ESR1: variants seen among roughly 807,000 people sequenced by gnomAD.
ESR1 encodes estrogen receptor 1.
Under a neutral mutation model 52.7 loss-of-function variants are expected in ESR1, and 12 were observed. The ratio of observed to expected loss-of-function variants is 0.23; its 90% CI spans 0.15 to 0.37. ESR1 has a LOEUF of 0.37. Among genes scored for constraint, ESR1 ranks in the 10% least tolerant of loss-of-function variants. ESR1 has a pLI of 1.00. For missense variants in ESR1, 584 were observed against 779.7 expected (o/e 0.75, Z 2.99); for synonymous variants, 305 against 316.8 (o/e 0.96, Z 0.39).
intron 6 of ESR1, among the ~76,000 whole-genome samples, chr6:152,121,333 T>C (rs1181978186): frequency 2.0e-5 from 3 of 152,188 alleles, no homozygotes; most frequent in Non-Finnish European, 2.9e-5. Context: ...TTTAAGAAGA[T>C]TTCTGTGGCT....
chr6:151,733,948 A>G (rs181178747), intron 2 of ESR1, among the ~76,000 whole-genome samples: 1 of 152,028 alleles, frequency 6.6e-6, no homozygotes, highest in African/African-American at 2.4e-5. Context: ...TTCCTTTACA[A>G]ATTTGGTTGA....
At chr6:151,867,437 A>ACACACACT (rs1039117508) in intron 2 of ESR1, among the ~76,000 whole-genome samples, 6 of 152,020 alleles carry the variant, frequency 3.9e-5, no homozygotes, top group African/African-American at 1.4e-4. Flanking sequence ...ACACACACAC[A>ACACACACT]CACACAAACA....
intron 1 of ESR1, among the ~76,000 whole-genome samples, chr6:151,691,207 C>G (rs1275937054): frequency 6.6e-6 from 1 of 152,188 alleles, no homozygotes; most frequent in East Asian, 1.9e-4. Context: ...AAAGAACGAG[C>G]CCCTCTGTCT....
At chr6:151,758,088 T>C (rs1263053875) in intron 2 of ESR1, among the ~76,000 whole-genome samples, 1 of 152,238 alleles carries the variant, frequency 6.6e-6, no homozygotes, top group Non-Finnish European at 1.5e-5. Context: ...ATATGAATTC[T>C]TTGTAGTTTC....
At chr6:151,804,777 T>G (rs1033298692), upstream of ESR1, 1 of 152,242 alleles carries the variant, frequency 6.6e-6, no homozygotes, top group African/African-American at 2.4e-5. Context: ...AGGTGGTGAC[T>G]AATGTCTGGC....
rs181894490 is a variant in ESR1 at position 151,721,194 on chromosome 6, G to A, written c.-71+19189G>A. Among the ~76,000 whole-genome samples the A allele has an allele frequency of 2.0e-3, 301 of 152,292 alleles. 1 individual carries two copies. The highest frequency in any genetic ancestry group is 6.9e-3 in the African/African-American group (285 of 41,568). ...AAGGATTCATAGATGTTTATCTGAA[G>A]GACTAATGCAACATGTTGGAGGTGA... On this transcript the variant is annotated intron_variant, in intron 2 of 2. Transcript: ENST00000404742.
At chr6:151,673,819 T>C (rs1778160827) in intron 1 of ESR1, among the ~76,000 whole-genome samples, 1 of 152,040 alleles carries the variant, frequency 6.6e-6, no homozygotes, top group Admixed American at 6.5e-5. Flanking sequence ...GAAATTGAGG[T>C]TGCAGTGAGC....
At chr6:151,976,813 A>T (rs773019975) in intron 4 of ESR1, among the ~76,000 whole-genome samples, 5 of 152,104 alleles carry the variant, frequency 3.3e-5, no homozygotes, top group Non-Finnish European at 5.9e-5. Context: ...AACAGTAAAA[A>T]GTGTTGATAA....
At chr6:152,095,824 G>A (rs1189624240) in intron 7 of ESR1, among the ~76,000 whole-genome samples, 1 of 152,192 alleles carries the variant, frequency 6.6e-6, no homozygotes. Flanking sequence ...TGACAACTCT[G>A]TGAGCCATCA....
intron 5 of ESR1, among the ~76,000 whole-genome samples, chr6:152,012,179 A>T (rs2042834333): frequency 6.6e-6 from 1 of 151,866 alleles, no homozygotes. Flanking sequence ...GTACATCCAT[A>T]CCACAATAGC....
chr6:151,755,505 T>C (rs1179394569), intron 2 of ESR1, among the ~76,000 whole-genome samples: 1 of 152,222 alleles, frequency 6.6e-6, no homozygotes, highest in Admixed American at 6.5e-5. Context: ...CAGAGTTCCC[T>C]GGAGTGTTGG....
chr6:151,680,894 G>A (rs1166430734), intron 1 of ESR1, among the ~76,000 whole-genome samples: 1 of 152,102 alleles, frequency 6.6e-6, no homozygotes, highest in Non-Finnish European at 1.5e-5. Context: ...AATCCTGTTC[G>A]AGTCGCTGGG....
chr6:151,962,776 T>C (rs2037822718), intron 4 of ESR1, among the ~76,000 whole-genome samples: 1 of 152,196 alleles, frequency 6.6e-6, no homozygotes, highest in African/African-American at 2.4e-5. Flanking sequence ...GTTGGTTTTC[T>C]TTTATGGGGT....
rs778450711 is a variant in ESR1 at position 151,944,199 on chromosome 6, A to C, written c.787A>C (p.Arg263=). ...GATACGAAAAGACCGAAGAGGAGGG[A>C]GAATGTTGAAACACAAGCGCCAGAG... ...GGIRKDRRGG[R]MLKHKRQRDD... Residue 263 remains arginine (R), a synonymous_variant, in exon 4 of 8, where the codon AGA becomes CGA. Transcript: ENST00000206249. 1 of 1,614,018 alleles carries C rather than the reference A, an allele frequency of 6.2e-7. No homozygotes were observed. Among genetic ancestry groups the C allele is most frequent in the Non-Finnish European group, 8.5e-7 (1 of 1,180,014 alleles).
chr6:151,693,589 A>G (rs1438103662), intron 1 of ESR1, among the ~76,000 whole-genome samples: 1 of 152,200 alleles, frequency 6.6e-6, no homozygotes, highest in Non-Finnish European at 1.5e-5. Context: ...ATTGTTGGGC[A>G]ATGTCTTAGT....
At chr6:152,115,780 C>CAAA (rs1380139248) in intron 6 of ESR1, among the ~76,000 whole-genome samples, 1 of 152,174 alleles carries the variant, frequency 6.6e-6, no homozygotes, top group Non-Finnish European at 1.5e-5. Context: ...ATTATACAAA[C>CAAA]TAGCCATGGA....
At chr6:151,704,332 G>A (rs562242782) in intron 2 of ESR1, among the ~76,000 whole-genome samples, 31 of 152,102 alleles carry the variant, frequency 2.0e-4, no homozygotes, top group African/African-American at 3.9e-4. Flanking sequence ...CTGCCTCCCC[G>A]GTTCAAGCGA....
At chr6:152,011,854 G>T in intron 5 of ESR1, 60 bp downstream of exon 5, 2 of 1,570,478 alleles carry the variant, frequency 1.3e-6, no homozygotes, top group Non-Finnish European at 1.7e-6. Flanking sequence ...GTTCATTCAT[G>T]AAACTATTTT....
At chr6:151,962,659 G>A (rs1337368389) in intron 4 of ESR1, among the ~76,000 whole-genome samples, 2 of 152,126 alleles carry the variant, frequency 1.3e-5, no homozygotes, top group African/African-American at 2.4e-5. Context: ...CCCCTATCTC[G>A]CCCAAGCCTT....
Sources: allele counts gnomAD v4.1 joint callset (sites outside exome capture counted in the v4.1 genomes callset), GRCh38; gene constraint gnomAD v4.1.1; transcripts MANE v1.5; gene names NCBI Gene and HGNC (gene_info 2026-07-23, HGNC 2026-07-21).